The following SHTN1 variants were observed in gnomAD, a reference collection of about 807,000 sequenced individuals.
SHTN1 encodes shootin-1.
Under a neutral mutation model 83.1 loss-of-function variants are expected in SHTN1, and 42 were observed. The observed-to-expected ratio is 0.51, with a 90% CI of 0.39 to 0.65. The LOEUF is 0.65. SHTN1 is among the 30% of genes least tolerant of loss of function. SHTN1 has a pLI of 0.00. For missense variants in SHTN1, 622 were observed against 737.8 expected (o/e 0.84, Z 1.82); for synonymous variants, 224 against 247.7 (o/e 0.90, Z 0.90).
chr10:117,116,131 G>A (rs980726221), intron 1 of SHTN1, among the ~76,000 whole-genome samples: 1 of 151,684 alleles, frequency 6.6e-6, no homozygotes, highest in Admixed American at 6.6e-5. Context: ...ATGAAAAGTT[G>A]GTTTTTTGAA....
chr10:116,955,366 A>G (rs1234582597), intron 4 of SHTN1, among the ~76,000 whole-genome samples: 1 of 152,216 alleles, frequency 6.6e-6, no homozygotes, highest in Non-Finnish European at 1.5e-5. Flanking sequence ...CGCACATCAA[A>G]GTAATCAGTA....
At chr10:116,893,933 C>T (rs945626237) in intron 16 of SHTN1, among the ~76,000 whole-genome samples, 1 of 152,170 alleles carries the variant, frequency 6.6e-6, no homozygotes, top group Non-Finnish European at 1.5e-5. Context: ...AGCTCAGATT[C>T]TCCAGCTCCA....
intron 3 of SHTN1, among the ~76,000 whole-genome samples, chr10:116,964,720 T>C (rs1589849741): frequency 6.6e-6 from 1 of 152,326 alleles, no homozygotes; most frequent in South Asian, 2.1e-4. Context: ...CGGTGGCTCA[T>C]GCCTGTAATC....
At chr10:116,971,433 G>C (rs1202872088) in intron 2 of SHTN1, among the ~76,000 whole-genome samples, 1 of 152,162 alleles carries the variant, frequency 6.6e-6, no homozygotes, top group Non-Finnish European at 1.5e-5. Flanking sequence ...TTCGCATATA[G>C]GCTTTTCTTA....
chr10:116,990,104 T>G (rs980069052), intron 1 of SHTN1, among the ~76,000 whole-genome samples: 1 of 152,106 alleles, frequency 6.6e-6, no homozygotes, highest in African/African-American at 2.4e-5. Context: ...AAATTTTTCC[T>G]TGTTCCTTCC....
intron 15 of SHTN1, among the ~76,000 whole-genome samples, chr10:116,905,121 G>T (rs866895869): frequency 1.6e-4 from 24 of 149,690 alleles, no homozygotes; most frequent in Middle Eastern, 3.4e-3. Flanking sequence ...GAATGGCGTT[G>T]AACCCGGGAA....
At chr10:117,035,985 G>A (rs936576647) in intron 2 of SHTN1, among the ~76,000 whole-genome samples, 3 of 141,944 alleles carry the variant, frequency 2.1e-5, no homozygotes, top group African/African-American at 5.1e-5. Flanking sequence ...GACTTGAATC[G>A]ACATTTCTCA....
chr10:116,918,757 G>C (rs1417335956), intron 12 of SHTN1, among the ~76,000 whole-genome samples: 1 of 152,064 alleles, frequency 6.6e-6, no homozygotes, highest in African/African-American at 2.4e-5. Flanking sequence ...CTGTGAAATA[G>C]GAAATACTAT....
At chr10:116,888,599 A>T (rs1483449247) in intron 16 of SHTN1, among the ~76,000 whole-genome samples, 1 of 152,192 alleles carries the variant, frequency 6.6e-6, no homozygotes, top group Non-Finnish European at 1.5e-5. Flanking sequence ...AATCTGCAGA[A>T]TAAGCAGGAG....
chr10:117,063,902 T>C (rs886458566), intron 1 of SHTN1, among the ~76,000 whole-genome samples: 2 of 152,162 alleles, frequency 1.3e-5, no homozygotes, highest in Non-Finnish European at 2.9e-5. Context: ...TTTTAACTTT[T>C]TTTCTAAACA....
At chr10:116,920,290 T>C (rs1848512979) in intron 12 of SHTN1, among the ~76,000 whole-genome samples, 1 of 152,160 alleles carries the variant, frequency 6.6e-6, no homozygotes, top group African/African-American at 2.4e-5. Flanking sequence ...GCCTCCTTGT[T>C]TTAAGCCTTT....
At chr10:116,959,745 T>G (rs1850113581) in intron 4 of SHTN1, among the ~76,000 whole-genome samples, 1 of 152,184 alleles carries the variant, frequency 6.6e-6, no homozygotes, top group African/African-American at 2.4e-5. Flanking sequence ...CTTTTTCATC[T>G]GATTCAAATA....
chr10:117,066,643 C>T (rs986536377), intron 1 of SHTN1, among the ~76,000 whole-genome samples: 9 of 152,144 alleles, frequency 5.9e-5, no homozygotes, highest in South Asian at 2.1e-4. Flanking sequence ...TTCCATGTTT[C>T]GGCCATTTTC....
chr10:116,968,534 G>T, intron 3 of SHTN1, 118 bp downstream of exon 3: 1 of 656,564 alleles, frequency 1.5e-6, no homozygotes. Context: ...ATAGAAAGAA[G>T]TCTTGCTTTC....
At position 116,911,784 on chromosome 10, in the gene SHTN1, T is replaced by C; in HGVS notation, c.1359+6A>G. ...AGCTAAACAATAAACTGAAATCTAT[T>C]CTTACCAGTATTCCTTTTAGTTCAT... On this transcript the variant is annotated splice_donor_region_variant and intron_variant, in intron 14 of 16. Transcript: ENST00000355371. 1 of 1,608,482 alleles carries C rather than the reference T, an allele frequency of 6.2e-7. No individual in the cohort carries two copies. The highest frequency in any genetic ancestry group is 8.5e-7 in the Non-Finnish European group (1 of 1,175,024).
chr10:116,898,016 A>G (rs1847582281), intron 16 of SHTN1, among the ~76,000 whole-genome samples: 1 of 152,172 alleles, frequency 6.6e-6, no homozygotes. Flanking sequence ...CTCAAAGTAA[A>G]AGAGTTTCTT....
chr10:117,075,109 T>C (rs1853133622), intron 1 of SHTN1, among the ~76,000 whole-genome samples: 1 of 152,236 alleles, frequency 6.6e-6, no homozygotes, highest in East Asian at 1.9e-4. Flanking sequence ...TTATTTTCCA[T>C]TTATCTTTCC....
chr10:117,024,086 G>A (rs1206924282), intron 2 of SHTN1, among the ~76,000 whole-genome samples: 1 of 92,576 alleles, frequency 1.1e-5, no homozygotes, highest in Non-Finnish European at 2.2e-5. Flanking sequence ...GCTGGTTATT[G>A]CTGTGGTCAG....
Position 117,123,603 on chromosome 10 carries a change from G to A in SHTN1, c.-189+2704C>T, listed in dbSNP as rs1247850482. ...TTACTGTTCCTAATGTACTGCCAGA[G>A]TACTCTTAAAAGGATTGCTGGCCAG... On this transcript the variant is annotated intron_variant, in intron 1 of 17. Coordinates refer to the SHTN1 transcript ENST00000392901. Among the ~76,000 whole-genome samples, 3 of 152,066 alleles carry A rather than the reference G, an allele frequency of 2.0e-5. No homozygotes were observed. In the East Asian group the frequency reaches 5.8e-4, roughly 29 times the overall value.
Sources: gnomAD v4.1 joint callset for allele counts (sites outside exome capture counted in the v4.1 genomes callset) on GRCh38, gnomAD v4.1.1 for gene constraint, MANE v1.5 for transcripts, NCBI Gene and HGNC (gene_info 2026-07-23, HGNC 2026-07-21) for gene names.